The following PIK3R3 variants were observed in gnomAD, a reference collection of about 807,000 sequenced individuals.
PIK3R3 encodes phosphatidylinositol 3-kinase regulatory subunit gamma.
PIK3R3 carries 64 observed loss-of-function variants against 62.9 expected under a neutral mutation model. That is an observed-to-expected ratio of 1.02 (90% CI 0.83 to 1.25). The LOEUF (loss-of-function observed/expected upper bound fraction) is 1.25. Ranked by LOEUF, PIK3R3 falls within the 50% of genes most tolerant of loss-of-function variation. PIK3R3 has a pLI of 0.00. For missense variants in PIK3R3, 614 were observed against 561.6 expected (o/e 1.09, Z -0.94); for synonymous variants, 165 against 189.0 (o/e 0.87, Z 1.04).
the PIK3R3 span, among the ~76,000 whole-genome samples, chr1:46,164,598 C>T: frequency 1.3e-5 from 2 of 152,192 alleles, no homozygotes; most frequent in East Asian, 3.8e-4. Context: ...CATTGCACTA[C>T]AGCCTGGGCA....
At chr1:46,056,281 C>T (rs772837569) in intron 6 of PIK3R3, 1 of 205,516 alleles carries the variant, frequency 4.9e-6, no homozygotes, top group Non-Finnish European at 9.6e-6. Context: ...AAACTTCTAA[C>T]CTCAGGTGAT....
At chr1:46,100,188 T>C (rs138764106) in intron 1 of PIK3R3, among the ~76,000 whole-genome samples, 66 of 152,314 alleles carry the variant, frequency 4.3e-4, no homozygotes, top group East Asian at 3.7e-3. Flanking sequence ...ACAGTTCAAA[T>C]TTCAAGTCTT....
chr1:46,071,295 T>C (rs1214111168), intron 3 of PIK3R3, among the ~76,000 whole-genome samples: 2 of 152,098 alleles, frequency 1.3e-5, no homozygotes, highest in African/African-American at 2.4e-5. Flanking sequence ...CATTTATGCA[T>C]ATGGTAGCTT....
chr1:46,121,390 T>A lies in PIK3R3; in HGVS notation c.106+10457A>T, dbSNP rs1654660475. ...GCTTAATACATATGTAAGAACAGAA[T>A]CTAAAGCAATATATTTCCAGCACAA... On this transcript the variant is annotated intron_variant, in intron 1 of 9. Coordinates refer to ENST00000262741, the MANE Select transcript of PIK3R3 (RefSeq NM_003629.4). Among the ~76,000 whole-genome samples, 3 of 152,200 alleles carry A rather than the reference T, an allele frequency of 2.0e-5. No homozygotes were observed. The South Asian group carries it at 6.2e-4, about 31-fold the overall frequency.
the PIK3R3 span, among the ~76,000 whole-genome samples, chr1:46,173,670 T>A: frequency 6.6e-6 from 1 of 151,740 alleles, no homozygotes; most frequent in African/African-American, 2.4e-5. Context: ...GGAGCCTAGA[T>A]GGGGAGGAGA....
chr1:46,132,009 G>C lies in PIK3R3; in HGVS notation c.-57C>G, dbSNP rs1045562520. The stretch of plus-strand genomic sequence containing the variant: ...TATAGAAGGCATATATTTTTTATCT[G>C]GTATTTAAAAATCTAAAAATATATA... On this transcript the variant is annotated 5_prime_UTR_variant, in exon 1 of 10. Transcript: ENST00000262741. 3.8e-6 allele frequency: 6 copies of C among 1,579,524 alleles called. No homozygotes were observed. Among genetic ancestry groups the C allele is most frequent in the Middle Eastern group, 1.7e-4 (1 of 5,918 alleles).
At chr1:46,161,240 C>T in the PIK3R3 span, among the ~76,000 whole-genome samples, 1 of 151,412 alleles carries the variant, frequency 6.6e-6, no homozygotes, top group African/African-American at 2.4e-5. Context: ...GGACTGCAGG[C>T]ATGTCCCACC....
At chr1:46,104,783 T>G (rs1186728246) in intron 1 of PIK3R3, among the ~76,000 whole-genome samples, 2 of 151,640 alleles carry the variant, frequency 1.3e-5, no homozygotes, top group Admixed American at 1.3e-4. Context: ...TACAAAAAAA[T>G]TAGCTGGGCA....
chr1:46,170,982 T>TC, the PIK3R3 span, among the ~76,000 whole-genome samples: 1 of 152,274 alleles, frequency 6.6e-6, no homozygotes, highest in Non-Finnish European at 1.5e-5. Context: ...ATGCTAAGAT[T>TC]CCATAACTGT....
At position 46,071,759 on chromosome 1, in the gene PIK3R3, A is replaced by AGAGAGAGAGAGAGAGCGC. The variant is rs777668187; in HGVS notation, c.315-4669_315-4668insGCGCTCTCTCTCTCTCTC. 6.0e-5 allele frequency among the ~76,000 whole-genome samples: 6 copies of AGAGAGAGAGAGAGAGCGC among 100,126 alleles called. No individual in the cohort carries two copies. The East Asian group carries it at 1.5e-3, about 25-fold the overall frequency. 65.7% of individuals were successfully genotyped at this position (100,126 alleles called of 152,430 possible). On this transcript the variant is annotated intron_variant, in intron 3 of 9. Coordinates refer to ENST00000262741, the MANE Select transcript of PIK3R3 (RefSeq NM_003629.4). Reference sequence around the variant, plus strand: ...GAGAGAGAGAGAGAGAGAGAGAGAGAGCGCGCGCCTGATCACAATTTCCCT... The same window carrying AGAGAGAGAGAGAGAGCGC: ...GAGAGAGAGAGAGAGAGAGAGAGAGAGAGAGAGAGAGAGAGCGCGCGCGCGCCTGATCACAATTTCCCT...
At chr1:46,109,150 G>A (rs1352889779) in intron 1 of PIK3R3, among the ~76,000 whole-genome samples, 6 of 137,680 alleles carry the variant, frequency 4.4e-5, no homozygotes, top group South Asian at 2.4e-4. Context: ...GTGACAAAGC[G>A]AGACTCTGTC....
chr1:46,146,359 C>T, the PIK3R3 span, among the ~76,000 whole-genome samples: 1 of 152,172 alleles, frequency 6.6e-6, no homozygotes, highest in Non-Finnish European at 1.5e-5. Flanking sequence ...TTTCCTCACC[C>T]ACTTACAGTC....
At chr1:46,117,478 G>A (rs751153396) in intron 1 of PIK3R3, among the ~76,000 whole-genome samples, 1 of 151,914 alleles carries the variant, frequency 6.6e-6, no homozygotes, top group Admixed American at 6.6e-5. Flanking sequence ...ATCAACTAAT[G>A]TTTATTTAAA....
chr1:46,069,533 G>A (rs1167348719), intron 3 of PIK3R3, among the ~76,000 whole-genome samples: 2 of 150,466 alleles, frequency 1.3e-5, no homozygotes, highest in East Asian at 3.9e-4. Context: ...AAAAAAAAAA[G>A]AATATGTTTA....
chr1:46,094,288 A>G (rs1651912953), intron 1 of PIK3R3, among the ~76,000 whole-genome samples: 1 of 152,208 alleles, frequency 6.6e-6, no homozygotes, highest in Non-Finnish European at 1.5e-5. Flanking sequence ...AAATTCACAA[A>G]TCTATTTTAT....
At chr1:46,143,299 A>C in the PIK3R3 span, among the ~76,000 whole-genome samples, 1 of 152,194 alleles carries the variant, frequency 6.6e-6, no homozygotes, top group East Asian at 1.9e-4. Flanking sequence ...CAATTGCTCC[A>C]TTGTAGTAGA....
chr1:46,096,049 G>T (rs1470280471), intron 1 of PIK3R3, among the ~76,000 whole-genome samples: 1 of 152,124 alleles, frequency 6.6e-6, no homozygotes, highest in African/African-American at 2.4e-5. Flanking sequence ...CTCCTAAAGC[G>T]CTGGGATTAC....
At chr1:46,114,464 A>C (rs747587567) in intron 1 of PIK3R3, among the ~76,000 whole-genome samples, 4 of 152,198 alleles carry the variant, frequency 2.6e-5, no homozygotes, top group Admixed American at 6.5e-5. Flanking sequence ...CTGATTTGAC[A>C]TAACAGTGGT....
chr1:46,171,059 T>C, the PIK3R3 span, among the ~76,000 whole-genome samples: 4 of 152,196 alleles, frequency 2.6e-5, no homozygotes, highest in Middle Eastern at 3.2e-3. Context: ...TTGGTAATAG[T>C]AGTCAGCACT....
Sources: allele counts gnomAD v4.1 joint callset (sites outside exome capture counted in the v4.1 genomes callset), GRCh38; gene constraint gnomAD v4.1.1; transcripts MANE v1.5; gene names NCBI Gene and HGNC (gene_info 2026-07-23, HGNC 2026-07-21).